PTPRK: variants seen among roughly 807,000 people sequenced by gnomAD.
PTPRK encodes protein tyrosine phosphatase receptor type K.
A neutral mutation model predicts 178.0 loss-of-function variants in PTPRK; 75 were observed. That is an observed-to-expected ratio of 0.42 (90% CI 0.35 to 0.51). PTPRK has a LOEUF of 0.51. PTPRK is among the 20% of genes least tolerant of loss of function. The pLI is 0.02. For synonymous variants in PTPRK, 637 were observed against 620.6 expected (o/e 1.03, Z -0.39); for missense variants, 1,441 against 1,797.8 (o/e 0.80, Z 3.59).
chr6:128,267,817 G>C, intron 3 of PTPRK, among the ~76,000 whole-genome samples: 1 of 152,050 alleles, frequency 6.6e-6, no homozygotes, highest in East Asian at 1.9e-4. Flanking sequence ...AGTAACAGCA[G>C]AATATGAGTT....
At chr6:128,402,140 G>C (rs1412357691) in intron 1 of PTPRK, among the ~76,000 whole-genome samples, 2 of 152,154 alleles carry the variant, frequency 1.3e-5, no homozygotes, top group African/African-American at 2.4e-5. Flanking sequence ...ATTGTAAAAA[G>C]AATGAAAATT....
intron 13 of PTPRK, among the ~76,000 whole-genome samples, chr6:128,036,952 G>T (rs569088016): frequency 5.9e-5 from 9 of 152,132 alleles, no homozygotes; most frequent in African/African-American, 2.2e-4. Context: ...GAATGCTCTT[G>T]AACTCCTGAC....
intron 17 of PTPRK, 145 bp downstream of exon 17, chr6:127,996,756 C>T: frequency 1.9e-6 from 2 of 1,045,952 alleles, no homozygotes; most frequent in South Asian, 1.8e-5. Context: ...CAGGCATGAG[C>T]CCTCAAGCCT....
intron 2 of PTPRK, among the ~76,000 whole-genome samples, chr6:128,396,356 C>G (rs1054088753): frequency 4.0e-5 from 6 of 148,176 alleles, no homozygotes; most frequent in African/African-American, 1.5e-4. Context: ...ATATACATAA[C>G]TATATATAAT....
intron 7 of PTPRK, among the ~76,000 whole-genome samples, chr6:128,108,892 T>C (rs564040442): frequency 1.3e-5 from 2 of 152,266 alleles, no homozygotes; most frequent in East Asian, 1.9e-4. Context: ...TTCACATCTC[T>C]TTCTCTGATA....
intron 13 of PTPRK, among the ~76,000 whole-genome samples, chr6:128,063,778 A>G (rs753812160): frequency 6.6e-6 from 1 of 152,224 alleles, no homozygotes; most frequent in Non-Finnish European, 1.5e-5. Context: ...AGCGTCAAAG[A>G]GAAAGTCTTT....
At chr6:128,168,903 A>T (rs1195186605) in intron 7 of PTPRK, among the ~76,000 whole-genome samples, 1 of 152,104 alleles carries the variant, frequency 6.6e-6, no homozygotes, top group Non-Finnish European at 1.5e-5. Flanking sequence ...TTCTTCCCTA[A>T]AAAAGGCAAT....
At chr6:128,140,651 C>T (rs1389938242) in intron 7 of PTPRK, among the ~76,000 whole-genome samples, 2 of 151,764 alleles carry the variant, frequency 1.3e-5, no homozygotes, top group African/African-American at 2.4e-5. Context: ...TCATCATTGT[C>T]GTCATCAGGA....
At chr6:128,439,559 T>C (rs1382422153) in intron 1 of PTPRK, among the ~76,000 whole-genome samples, 1 of 152,208 alleles carries the variant, frequency 6.6e-6, no homozygotes, top group Non-Finnish European at 1.5e-5. Flanking sequence ...TTCAAAAACC[T>C]ATGCTTTGGG....
intron 5 of PTPRK, chr6:128,238,023 T>G: frequency 2.2e-6 from 1 of 449,796 alleles, no homozygotes; most frequent in South Asian, 1.6e-5. Context: ...TGGGGAAGAC[T>G]GATGTAAGTG....
At chr6:127,996,876 C>T in intron 17 of PTPRK, 25 bp downstream of exon 17, 1 of 1,599,412 alleles carries the variant, frequency 6.3e-7, no homozygotes. Context: ...TATTTACATT[C>T]ACCAAGAATT....
At chr6:128,299,893 G>A (rs556021891) in intron 3 of PTPRK, among the ~76,000 whole-genome samples, 12 of 152,200 alleles carry the variant, frequency 7.9e-5, no homozygotes, top group African/African-American at 2.6e-4. Context: ...AAACTAAAGA[G>A]CCTCTGCACA....
chr6:128,452,328 G>T (rs992807871), intron 1 of PTPRK, among the ~76,000 whole-genome samples: 4 of 152,128 alleles, frequency 2.6e-5, no homozygotes, highest in Non-Finnish European at 5.9e-5. Context: ...ATACACAAGT[G>T]CATTTGGTAC....
chr6:128,428,581 A>G (rs955336808), intron 1 of PTPRK, among the ~76,000 whole-genome samples: 3 of 152,218 alleles, frequency 2.0e-5, no homozygotes, highest in African/African-American at 7.2e-5. Flanking sequence ...AAATATGTCA[A>G]TGTGAAGATC....
chr6:128,105,801 T>C (rs1349584741), intron 7 of PTPRK, among the ~76,000 whole-genome samples: 2 of 152,212 alleles, frequency 1.3e-5, no homozygotes, highest in Non-Finnish European at 2.9e-5. Flanking sequence ...CCTAAGGAGT[T>C]AGTTTTTACA....
chr6:127,991,499 C>T, intron 19 of PTPRK, 108 bp from the exon 20 acceptor site: 1 of 687,836 alleles, frequency 1.5e-6, no homozygotes, highest in Non-Finnish European at 2.2e-6. Context: ...CAAAAAAGGT[C>T]TAACACAAAA....
chr6:128,489,983 C>T (rs1022539014), intron 1 of PTPRK, among the ~76,000 whole-genome samples: 17 of 152,250 alleles, frequency 1.1e-4, no homozygotes, highest in East Asian at 5.8e-4. Context: ...TACGAAAAAA[C>T]GCTACTACAT....
At chr6:128,299,305 T>C (rs1825107681) in intron 3 of PTPRK, among the ~76,000 whole-genome samples, 2 of 26,284 alleles carry the variant, frequency 7.6e-5, no homozygotes, top group Admixed American at 1.0e-3. Flanking sequence ...CCAAGGTAAT[T>C]TATAGATTCA....
intron 7 of PTPRK, among the ~76,000 whole-genome samples, chr6:128,141,706 T>C (rs143134013): frequency 8.5e-5 from 13 of 152,088 alleles, no homozygotes; most frequent in African/African-American, 2.9e-4. Context: ...ATTAACTCAA[T>C]TTTGATAGCA....
Sources: allele counts gnomAD v4.1 joint callset (sites outside exome capture counted in the v4.1 genomes callset), GRCh38; gene constraint gnomAD v4.1.1; transcripts MANE v1.5; gene names NCBI Gene and HGNC (gene_info 2026-07-23, HGNC 2026-07-21).